ASL: variants seen among roughly 807,000 people sequenced by gnomAD.
ASL encodes the protein argininosuccinate lyase.
A neutral mutation model predicts 69.1 loss-of-function variants in ASL; 51 were observed. The observed-to-expected ratio is 0.74, with a 90% CI of 0.59 to 0.93. ASL has a LOEUF of 0.93. Ranked by LOEUF, ASL falls within the 40% of genes least tolerant of loss-of-function variation. The pLI, the probability that ASL is intolerant of heterozygous loss-of-function variation, is 0.00. For synonymous variants in ASL, 241 were observed against 247.6 expected (o/e 0.97, Z 0.25); for missense variants, 540 against 623.9 (o/e 0.87, Z 1.43).
intron 6 of ASL, among the ~76,000 whole-genome samples, chr7:66,084,182 C>A (rs1287667668): frequency 2.7e-5 from 4 of 149,318 alleles, no homozygotes; most frequent in South Asian, 2.1e-4. Flanking sequence ...TTTTTTGAGA[C>A]AGGGTTTTGC....
chr7:66,090,199 C>T (rs1786804135), intron 14 of ASL, among the ~76,000 whole-genome samples: 1 of 152,156 alleles, frequency 6.6e-6, no homozygotes, highest in African/African-American at 2.4e-5. Context: ...GATCATGCCG[C>T]TGCACTCCAG....
chr7:66,086,384 C>T (rs1786662253), intron 6 of ASL, among the ~76,000 whole-genome samples: 1 of 152,206 alleles, frequency 6.6e-6, no homozygotes, highest in South Asian at 2.1e-4. Flanking sequence ...CAGGCCCAGT[C>T]CTTGGTTCAC....
intron 6 of ASL, 103 bp from the exon 7 acceptor site, chr7:66,086,482 C>T (rs1004795230): frequency 8.2e-6 from 10 of 1,215,110 alleles, no homozygotes; most frequent in African/African-American, 4.5e-5. Context: ...AGTGCTGCAG[C>T]GTGACACTTT....
At chr7:66,077,281 A>G (rs1235483643) in intron 2 of ASL, among the ~76,000 whole-genome samples, 1 of 152,062 alleles carries the variant, frequency 6.6e-6, no homozygotes, top group Non-Finnish European at 1.5e-5. Flanking sequence ...GATTTTGAAA[A>G]TTACCCAGGT....
intron 6 of ASL, among the ~76,000 whole-genome samples, chr7:66,085,646 C>T (rs539413704): frequency 6.0e-5 from 9 of 150,888 alleles, no homozygotes; most frequent in Admixed American, 1.3e-4. Context: ...CTCGCTCTGT[C>T]GCCCAGGCTG....
chr7:66,091,664 G>A (rs1425625944), intron 14 of ASL: 1 of 347,142 alleles, frequency 2.9e-6, no homozygotes, highest in Non-Finnish European at 5.6e-6. Flanking sequence ...GGCTGCAGAG[G>A]GCTATAATGG....
chr7:66,084,055 G>A (rs574849324), intron 6 of ASL, among the ~76,000 whole-genome samples: 36 of 152,290 alleles, frequency 2.4e-4, no homozygotes, highest in African/African-American at 8.7e-4. Flanking sequence ...GAAAACAAGG[G>A]CACAAGAATT....
In ASL at chr7:66,086,797, G is replaced by A. The variant is rs373697663; in HGVS notation, c.578G>A (p.Arg193Gln). 111 of 1,587,274 alleles carry A rather than the reference G, an allele frequency of 7.0e-5. No homozygotes were observed. The highest frequency in any genetic ancestry group is 8.2e-5 in the Non-Finnish European group (96 of 1,167,560). Residue 193 changes from arginine (R) to glutamine (Q), a missense_variant, in exon 8 of 17, where the codon CGG becomes CAG. By Grantham distance (43) the Arg-to-Gln change is conservative. Transcript: ENST00000304874. ...GAGCGGCTGCTGGAGGTGCGGAAGCGGATCAATGTCCTGCCCCTGGGGAGG... is the reference window on the plus strand; with the variant it reads ...GAGCGGCTGCTGGAGGTGCGGAAGCAGATCAATGTCCTGCCCCTGGGGAGG... Reference protein sequence around the residue: ...DSERLLEVRKRINVLPLGSGA... With the variant: ...DSERLLEVRKQINVLPLGSGA...
chr7:66,083,262 G>C, intron 6 of ASL, 88 bp downstream of exon 6: 1 of 1,427,640 alleles, frequency 7.0e-7, no homozygotes. Flanking sequence ...GAACAGCGTG[G>C]GGGTGCCAGG....
intron 2 of ASL, among the ~76,000 whole-genome samples, chr7:66,079,846 C>G (rs945265031): frequency 2.0e-5 from 3 of 152,086 alleles, no homozygotes; most frequent in Non-Finnish European, 4.4e-5. Context: ...TCTCTGTCTC[C>G]TGACCTCATG....
chr7:66,087,745 C>A lies in ASL; in HGVS notation c.672C>A (p.Ala224=). The change falls in exon 10 of 17, where the codon GCC becomes GCA. Residue 224 remains alanine, a synonymous_variant. Coordinates refer to ENST00000304874, the MANE Select transcript of ASL (RefSeq NM_000048.4). ...ELLRAELNFG[A]ITLNSMDATS... Reference sequence around the variant, plus strand: ...CCCCCCCAGAACTCAACTTTGGGGCCATCACTCTCAACAGCATGGATGCCA... The same window carrying A: ...CCCCCCCAGAACTCAACTTTGGGGCAATCACTCTCAACAGCATGGATGCCA... 1 of 1,614,138 alleles carries A rather than the reference C, an allele frequency of 6.2e-7. No individual in the cohort carries two copies. Among genetic ancestry groups the A allele is most frequent in the South Asian group, 1.1e-5 (1 of 91,086 alleles).
At chr7:66,076,760 C>T (rs1382514939) in intron 2 of ASL, among the ~76,000 whole-genome samples, 5 of 152,116 alleles carry the variant, frequency 3.3e-5, no homozygotes, top group African/African-American at 7.2e-5. Flanking sequence ...TAATAGCTGT[C>T]GGCCTCACTC....
chr7:66,087,280 G>GTGTA, intron 8 of ASL, 54 bp from the exon 9 acceptor site: 1 of 1,349,890 alleles, frequency 7.4e-7, no homozygotes, highest in Non-Finnish European at 1.0e-6. Context: ...GTGTGTGTGT[G>GTGTA]TGTCAGGGCT....
intron 14 of ASL, among the ~76,000 whole-genome samples, chr7:66,091,167 C>T (rs1293441379): frequency 6.6e-6 from 1 of 151,736 alleles, no homozygotes; most frequent in Non-Finnish European, 1.5e-5. Context: ...ACCAGCATCA[C>T]CTCAGAAGTC....
rs1363375244 is a variant in ASL, at chr7:66,087,327, C to T, written c.603-7C>T. ...GCCCTGGTCACCATGAATCCCTGTC[C>T]CTGCAGTGGGGCCATTGCAGGCAAT... On this transcript the variant is annotated splice_polypyrimidine_tract_variant and splice_region_variant and intron_variant, in intron 8 of 16. Transcript: ENST00000304874. 1.9e-6 allele frequency: 3 copies of T among 1,602,526 alleles called. No individual in the cohort carries two copies. Among genetic ancestry groups the T allele is most frequent in the African/African-American group, 1.3e-5 (1 of 74,488 alleles).
rs757216794 is a variant in ASL at position 66,092,623 on chromosome 7, G to A, written c.1210G>A (p.Ala404Thr). The change falls in exon 16 of 17, where the codon GCC becomes ACC. Residue 404 changes from alanine (A) to threonine (T), a missense_variant. Transcript: ENST00000304874. The stretch of plus-strand genomic sequence containing the variant: ...GTTCATGGCCGAGACCAAGGGGGTC[G>A]CCCTCAACCAGCTGTCACTGCAGGA... ...AVFMAETKGV[A>T]LNQLSLQELQ... 1.1e-5 allele frequency: 17 copies of A among 1,613,166 alleles called. No individual in the cohort carries two copies. In the South Asian group the frequency reaches 1.1e-4, roughly 10 times the overall value.
At chr7:66,089,806 G>A in intron 14 of ASL, 111 bp downstream of exon 14, 1 of 1,160,020 alleles carries the variant, frequency 8.6e-7, no homozygotes, top group Non-Finnish European at 1.2e-6. Context: ...ACCTGGGGCA[G>A]GGAAGGAGAG....
intron 14 of ASL, among the ~76,000 whole-genome samples, chr7:66,090,613 T>A (rs759562373): frequency 6.6e-6 from 1 of 152,100 alleles, no homozygotes; most frequent in Non-Finnish European, 1.5e-5. Context: ...AATTTATGTA[T>A]ATAACAGCTA....
chr7:66,086,940 G>A, intron 8 of ASL, 119 bp downstream of exon 8: 1 of 1,229,764 alleles, frequency 8.1e-7, no homozygotes, highest in Non-Finnish European at 1.1e-6. Context: ...GCTCAGCGGG[G>A]GACTCTGCAT....
Sources: allele counts gnomAD v4.1 joint callset (sites outside exome capture counted in the v4.1 genomes callset), GRCh38; gene constraint gnomAD v4.1.1; transcripts MANE v1.5; gene names NCBI Gene and HGNC (gene_info 2026-07-23, HGNC 2026-07-21).